Variants in KCNB2 observed in about 807,000 individuals in gnomAD.
KCNB2 encodes delayed rectifier potassium channel protein.
Under a neutral mutation model 61.5 loss-of-function variants are expected in KCNB2, and 15 were observed. The ratio of observed to expected loss-of-function variants is 0.24; its 90% confidence interval spans 0.16 to 0.38. The LOEUF is 0.38. Among genes scored for constraint, KCNB2 ranks in the 10% least tolerant of loss-of-function variants. The pLI is 1.00. For synonymous variants in KCNB2, 457 were observed against 446.0 expected (o/e 1.02, Z -0.31); for missense variants, 828 against 1,125.2 (o/e 0.74, Z 3.78).
At chr8:72,617,767 TG>T (rs1805644160) in intron 2 of KCNB2, among the ~76,000 whole-genome samples, 1 of 152,166 alleles carries the variant, frequency 6.6e-6, no homozygotes, top group Non-Finnish European at 1.5e-5. Flanking sequence ...CTCCATCTAG[TG>T]GTTTTCCCAG....
intron 2 of KCNB2, among the ~76,000 whole-genome samples, chr8:72,697,500 C>A: frequency 6.6e-6 from 1 of 152,078 alleles, no homozygotes; most frequent in East Asian, 1.9e-4. Context: ...GGTGCAGTGG[C>A]AGGTGCCTTT....
chr8:72,645,777 A>T (rs1371742226), intron 2 of KCNB2, among the ~76,000 whole-genome samples: 1 of 152,228 alleles, frequency 6.6e-6, no homozygotes, highest in African/African-American at 2.4e-5. Context: ...AAATGGAAAC[A>T]TCAGTGATTC....
chr8:72,621,263 A>G (rs1805709170), intron 2 of KCNB2, among the ~76,000 whole-genome samples: 2 of 152,156 alleles, frequency 1.3e-5, no homozygotes, highest in African/African-American at 4.8e-5. Flanking sequence ...ATACATACCA[A>G]GAAGCTTCTG....
intron 2 of KCNB2, among the ~76,000 whole-genome samples, chr8:72,806,373 A>C (rs1377749964): frequency 2.0e-5 from 3 of 147,148 alleles, no homozygotes; most frequent in African/African-American, 7.6e-5. Context: ...AAAAAAAAAA[A>C]GAATAATTTG....
intron 2 of KCNB2, among the ~76,000 whole-genome samples, chr8:72,671,984 A>G (rs908314348): frequency 3.3e-5 from 5 of 152,164 alleles, no homozygotes; most frequent in Non-Finnish European, 7.4e-5. Flanking sequence ...TGGCAGACTC[A>G]TGGGCTAAAT....
chr8:72,715,001 G>A (rs1807402892), intron 2 of KCNB2, among the ~76,000 whole-genome samples: 1 of 151,846 alleles, frequency 6.6e-6, no homozygotes. Flanking sequence ...AAAAGGCAGG[G>A]GTTGCAATCC....
intron 2 of KCNB2, among the ~76,000 whole-genome samples, chr8:72,669,115 T>G (rs2128988019): frequency 6.6e-6 from 1 of 152,292 alleles, no homozygotes; most frequent in Middle Eastern, 3.4e-3. Context: ...TCTCCAGGTG[T>G]TTCTTTATGA....
At chr8:72,720,895 T>A (rs1350177501) in intron 2 of KCNB2, among the ~76,000 whole-genome samples, 3 of 152,240 alleles carry the variant, frequency 2.0e-5, no homozygotes, top group Non-Finnish European at 4.4e-5. Flanking sequence ...CAAGTACTTA[T>A]TACTTAGACA....
chr8:72,831,995 G>T (rs1232352229), intron 2 of KCNB2, among the ~76,000 whole-genome samples: 1 of 152,184 alleles, frequency 6.6e-6, no homozygotes, highest in African/African-American at 2.4e-5. Flanking sequence ...TGCCATAAAG[G>T]TTAGGAAAAA....
At chr8:72,735,657 T>C (rs564490182) in intron 2 of KCNB2, among the ~76,000 whole-genome samples, 1 of 152,308 alleles carries the variant, frequency 6.6e-6, no homozygotes, top group Non-Finnish European at 1.5e-5. Context: ...GACTAGCTAA[T>C]TTTATTTGCT....
rs538159330 is a variant in KCNB2 at position 72,852,880 on chromosome 8, A to T, written c.580-83055A>T. On this transcript the variant is annotated intron_variant, in intron 2 of 2. Transcript: ENST00000523207. ...AAATCTGTGATCATAACACTTTCTC[A>T]TTAATACAATGTAATCAGTAGCATC... is the stretch of plus-strand genomic sequence containing the variant. Among the ~76,000 whole-genome samples, 9 of 152,366 alleles carry T rather than the reference A, an allele frequency of 5.9e-5. 1 individual carries two copies. Among genetic ancestry groups the T allele is most frequent in the African/African-American group, 2.2e-4 (9 of 41,596 alleles).
intron 2 of KCNB2, among the ~76,000 whole-genome samples, chr8:72,742,798 G>A (rs895121176): frequency 1.3e-5 from 2 of 152,164 alleles, no homozygotes; most frequent in Admixed American, 6.6e-5. Context: ...GCCAATGCAC[G>A]GGATCCTGCA....
chr8:72,666,201 A>G (rs937977434), intron 2 of KCNB2, among the ~76,000 whole-genome samples: 10 of 152,200 alleles, frequency 6.6e-5, no homozygotes, highest in African/African-American at 2.4e-4. Context: ...AATTAATACA[A>G]TGAGATTCTT....
At chr8:72,759,472 T>C (rs1808343187) in intron 2 of KCNB2, among the ~76,000 whole-genome samples, 1 of 152,200 alleles carries the variant, frequency 6.6e-6, no homozygotes, top group African/African-American at 2.4e-5. Context: ...GGTTCTCTGC[T>C]CCAACTCTGC....
At chr8:72,914,814 A>G (rs2981117) in intron 2 of KCNB2, among the ~76,000 whole-genome samples, 89,724 of 152,050 alleles carry the variant, frequency 0.59, 27,748 homozygotes, top group Middle Eastern at 0.7. Flanking sequence ...CATTGTGTTA[A>G]GTGTTGTAAA....
intron 2 of KCNB2, among the ~76,000 whole-genome samples, chr8:72,890,798 C>T (rs183956087): frequency 9.1e-4 from 139 of 152,228 alleles, no homozygotes; most frequent in Middle Eastern, 3.4e-3. Context: ...TGCTTTTGCC[C>T]GTTAGTAACT....
chr8:72,720,087 A>G (rs941216669), intron 2 of KCNB2, among the ~76,000 whole-genome samples: 8 of 152,194 alleles, frequency 5.3e-5, no homozygotes, highest in Non-Finnish European at 1.2e-4. Context: ...TCTCGCATCA[A>G]CACACTGTAC....
chr8:72,774,954 A>G (rs1425698918), intron 2 of KCNB2, among the ~76,000 whole-genome samples: 1 of 152,210 alleles, frequency 6.6e-6, no homozygotes, highest in Non-Finnish European at 1.5e-5. Context: ...AAAGGAGAGC[A>G]GCCCATTAAC....
At chr8:72,792,115 G>T (rs138687556) in intron 2 of KCNB2, among the ~76,000 whole-genome samples, 91 of 152,294 alleles carry the variant, frequency 6.0e-4, no homozygotes, top group Non-Finnish European at 1.1e-3. Context: ...GAAACTCAGT[G>T]GTTTGTCCAG....
Sources: gnomAD v4.1 joint callset for allele counts (sites outside exome capture counted in the v4.1 genomes callset) on GRCh38, gnomAD v4.1.1 for gene constraint, MANE v1.5 for transcripts, NCBI Gene and HGNC (gene_info 2026-07-23, HGNC 2026-07-21) for gene names.